Variants in FAT3 observed in about 807,000 individuals in gnomAD.
The protein encoded by FAT3 is FAT atypical cadherin 3.
A neutral mutation model predicts 310.2 loss-of-function variants in FAT3; 95 were observed. That is an observed-to-expected ratio of 0.31 (90% CI 0.26 to 0.36). FAT3 has a LOEUF of 0.36. FAT3 is among the 10% of genes least tolerant of loss of function. The pLI is 1.00. For synonymous variants in FAT3, 2,314 were observed against 2,192.9 expected (o/e 1.06, Z -1.54); for missense variants, 5,408 against 5,715.6 (o/e 0.95, Z 1.74).
At chr11:92,367,047 C>A in intron 2 of FAT3, 1 of 500,066 alleles carries the variant, frequency 2.0e-6, no homozygotes, top group South Asian at 1.5e-5. Context: ...CTAGCACTGT[C>A]CGGACGGTCC....
intron 6 of FAT3, chr11:92,766,776 A>G (rs975067681): frequency 5.3e-5 from 8 of 152,234 alleles, no homozygotes; most frequent in African/African-American, 1.9e-4. Context: ...TCAGCTCATT[A>G]AGATATTATC....
At chr11:92,850,428 T>C (rs1048984583) in intron 19 of FAT3, among the ~76,000 whole-genome samples, 3 of 152,196 alleles carry the variant, frequency 2.0e-5, no homozygotes, top group Admixed American at 2.0e-4. Context: ...AAATTGCACT[T>C]GGCCTTTAGT....
At chr11:92,575,469 C>T (rs1938430308) in intron 3 of FAT3, among the ~76,000 whole-genome samples, 3 of 152,238 alleles carry the variant, frequency 2.0e-5, no homozygotes, top group South Asian at 2.1e-4. Context: ...TCTTTTATAA[C>T]TTCAACTTCA....
At chr11:92,689,078 A>G (rs1440302140) in intron 3 of FAT3, among the ~76,000 whole-genome samples, 3 of 152,174 alleles carry the variant, frequency 2.0e-5, no homozygotes, top group Non-Finnish European at 4.4e-5. Context: ...CATGCTAAGC[A>G]TTTTTAATTA....
intron 22 of FAT3, among the ~76,000 whole-genome samples, chr11:92,877,025 C>A (rs1203918862): frequency 6.6e-6 from 1 of 152,112 alleles, no homozygotes; most frequent in Non-Finnish European, 1.5e-5. Flanking sequence ...CTGTTACAAC[C>A]CCACTGCTAT....
intron 20 of FAT3, among the ~76,000 whole-genome samples, chr11:92,858,368 G>T (rs1290417204): frequency 6.6e-6 from 1 of 152,166 alleles, no homozygotes; most frequent in Admixed American, 6.5e-5. Context: ...GGATCATAAA[G>T]CCAAATCTTC....
chr11:92,583,644 C>A (rs1372165268), intron 3 of FAT3, among the ~76,000 whole-genome samples: 2 of 151,886 alleles, frequency 1.3e-5, no homozygotes, highest in African/African-American at 4.8e-5. Context: ...TCCCGCTTTA[C>A]CCAGCCCTGC....
intron 3 of FAT3, among the ~76,000 whole-genome samples, chr11:92,616,812 C>G (rs543613327): frequency 6.6e-6 from 1 of 152,296 alleles, no homozygotes; most frequent in African/African-American, 2.4e-5. Context: ...GCCTCACTCT[C>G]TACTGGCTTG....
At chr11:92,837,040 G>A (rs764364936) in intron 16 of FAT3, among the ~76,000 whole-genome samples, 3 of 152,048 alleles carry the variant, frequency 2.0e-5, no homozygotes, top group African/African-American at 7.2e-5. Context: ...TTTAGCCCTC[G>A]GTGAGCAGGT....
rs563592164 is a variant in FAT3, at chr11:92,878,885, C to A, written c.12128-1846C>A. Among the ~76,000 whole-genome samples, 200 of 151,330 alleles carry A rather than the reference C, an allele frequency of 1.3e-3. 1 individual carries two copies. In the Middle Eastern group the frequency reaches 0.014, roughly 10 times the overall value. ...GAGAAAACAGAGGAAAATAAATTAC[C>A]AAAGAAATAATAAAAGAAATTTTCC... is the stretch of plus-strand genomic sequence containing the variant. On this transcript the variant is annotated intron_variant, in intron 22 of 27. Coordinates refer to ENST00000525166, the MANE Select transcript of FAT3 (RefSeq NM_001367949.2).
At chr11:92,886,327 T>TA (rs1949795613) in intron 24 of FAT3, among the ~76,000 whole-genome samples, 1 of 96,678 alleles carries the variant, frequency 1.0e-5, no homozygotes, top group African/African-American at 3.5e-5. Flanking sequence ...AAAGTAGCCC[T>TA]GGTGTGTGTG....
intron 1 of FAT3, among the ~76,000 whole-genome samples, chr11:92,345,967 T>C (rs1487409912): frequency 6.6e-6 from 1 of 152,166 alleles, no homozygotes; most frequent in Non-Finnish European, 1.5e-5. Context: ...ATGTGAATAA[T>C]GGCATAAGCT....
intron 13 of FAT3, among the ~76,000 whole-genome samples, chr11:92,821,693 A>C (rs992862590): frequency 1.3e-5 from 2 of 152,194 alleles, no homozygotes; most frequent in African/African-American, 2.4e-5. Context: ...CCAGGGAATG[A>C]ACAGATCTGG....
At chr11:92,742,378 C>T (rs1945532169) in intron 4 of FAT3, among the ~76,000 whole-genome samples, 1 of 152,070 alleles carries the variant, frequency 6.6e-6, no homozygotes, top group Non-Finnish European at 1.5e-5. Flanking sequence ...GCAGCAAGGG[C>T]CTTGGAAGTA....
intron 8 of FAT3, 98 bp from the exon 9 acceptor site, chr11:92,792,669 C>T (rs557219724): frequency 5.3e-5 from 60 of 1,141,320 alleles, no homozygotes; most frequent in East Asian, 5.2e-4. Flanking sequence ...AAGCACTTTG[C>T]GTGCATTATT....
intron 3 of FAT3, among the ~76,000 whole-genome samples, chr11:92,630,809 CT>C (rs11311077): frequency 0.028 from 4,211 of 152,268 alleles, 215 homozygotes; most frequent in African/African-American, 0.096. Flanking sequence ...TCACCCACCC[CT>C]ATTGAATGCT....
intron 4 of FAT3, among the ~76,000 whole-genome samples, chr11:92,749,280 A>G (rs1022890375): frequency 1.3e-5 from 2 of 152,128 alleles, no homozygotes; most frequent in Non-Finnish European, 2.9e-5. Context: ...GTTAACACAC[A>G]TACACAAATA....
chr11:92,484,541 C>T (rs971050513), intron 2 of FAT3, among the ~76,000 whole-genome samples: 2 of 152,114 alleles, frequency 1.3e-5, no homozygotes, highest in Non-Finnish European at 2.9e-5. Context: ...GGAATATAGC[C>T]TTCATTAGGC....
chr11:92,387,508 A>T (rs1325263075), intron 2 of FAT3, among the ~76,000 whole-genome samples: 2 of 152,074 alleles, frequency 1.3e-5, no homozygotes, highest in African/African-American at 4.8e-5. Context: ...GGGAGAAGGG[A>T]TGAATTGAAG....
Sources: gnomAD v4.1 joint callset for allele counts (sites outside exome capture counted in the v4.1 genomes callset) on GRCh38, gnomAD v4.1.1 for gene constraint, MANE v1.5 for transcripts, NCBI Gene and HGNC (gene_info 2026-07-23, HGNC 2026-07-21) for gene names.